ZNF207: variants seen among roughly 807,000 people sequenced by gnomAD.
ZNF207 encodes the protein BUB3-interacting and GLEBS motif-containing protein ZNF207.
A neutral mutation model predicts 60.2 loss-of-function variants in ZNF207; 24 were observed. The ratio of observed to expected loss-of-function variants is 0.40; its 90% CI spans 0.29 to 0.56. ZNF207 has a LOEUF of 0.56. Among genes scored for constraint, ZNF207 ranks in the 20% least tolerant of loss-of-function variants. The pLI, the probability that ZNF207 is intolerant of heterozygous loss-of-function variation, is 0.49. For synonymous variants in ZNF207, 236 were observed against 194.7 expected (o/e 1.21, Z -1.77); for missense variants, 452 against 636.6 (o/e 0.71, Z 3.12).
At position 32,380,352 on chromosome 17, in the gene ZNF207, G is replaced by C. The variant is rs546788139; in HGVS notation, c.*10593G>C. ...TTTTTTACAAATTTGCCTGCATAAA[G>C]ATTAAATTGGAACATACCTTACTCC... On this transcript the variant is annotated 3_prime_UTR_variant, in exon 12 of 12. Coordinates refer to ENST00000394670, the MANE Select transcript of ZNF207 (RefSeq NM_001098507.2). The C allele has an allele frequency of 1.3e-5, 2 of 152,442 alleles. No homozygotes were observed. The highest frequency in any genetic ancestry group is 1.3e-4 in the Admixed American group (2 of 15,302). The allele number at this position is 152,442 out of a possible 1,614,324, so 9.4% of individuals were successfully genotyped here.
At chr17:32,365,529 G>T (rs756820691) in intron 8 of ZNF207, 42 bp downstream of exon 8, 3 of 1,598,326 alleles carry the variant, frequency 1.9e-6, no homozygotes, top group African/African-American at 1.3e-5. Flanking sequence ...TATATTTAAA[G>T]ATAAAGTACA....
intron 2 of ZNF207, among the ~76,000 whole-genome samples, chr17:32,353,033 G>A (rs1327930216): frequency 6.6e-6 from 1 of 152,192 alleles, no homozygotes; most frequent in East Asian, 1.9e-4. Flanking sequence ...AATTAGCCGG[G>A]TGTGGTGGCA....
At chr17:32,368,690 C>CA (rs56261296) in intron 10 of ZNF207, 6,058 of 112,922 alleles carry the variant, frequency 0.054, 146 homozygotes, top group Non-Finnish European at 0.076. Context: ...GACTCCATCT[C>CA]AAAAAAAAAA....
At position 32,372,913 on chromosome 17, in the gene ZNF207, G is replaced by A. The variant is rs1482486909; in HGVS notation, c.*3154G>A. ...ATTGTCATAATTAAGGAAGCTGTAA[G>A]GTTAGTAGGGCTGGCAACTTTGGCT... On this transcript the variant is annotated 3_prime_UTR_variant, in exon 12 of 12. Coordinates refer to ENST00000394670, the MANE Select transcript of ZNF207 (RefSeq NM_001098507.2). 1.3e-5 allele frequency: 2 copies of A among 152,246 alleles called. No homozygotes were observed. Among genetic ancestry groups the A allele is most frequent in the Non-Finnish European group, 2.9e-5 (2 of 68,098 alleles). The allele number at this position is 152,246 out of a possible 1,614,324, so 9.4% of individuals were successfully genotyped here.
Position 32,372,239 on chromosome 17 carries a change from G to T in ZNF207, c.*2480G>T, listed in dbSNP as rs536615473. On this transcript the variant is annotated 3_prime_UTR_variant, in exon 12 of 12. Coordinates refer to ENST00000394670, the MANE Select transcript of ZNF207 (RefSeq NM_001098507.2). ...GGCGTGAACCCGGGAGGCATAGCTT[G>T]CAGTGAGCGGAGATCACACCACTGC... 1.3e-5 allele frequency: 2 copies of T among 152,276 alleles called. No individual in the cohort carries two copies. The highest frequency in any genetic ancestry group is 4.1e-4 in the South Asian group (2 of 4,826). 9.4% of individuals were successfully genotyped at this position (152,276 alleles called of 1,614,324 possible).
chr17:32,351,448 C>T (rs1597750408), intron 1 of ZNF207: 4 of 1,361,262 alleles, frequency 2.9e-6, no homozygotes, highest in East Asian at 6.2e-5. Flanking sequence ...CTTAACTGAA[C>T]TCTTTCCTGT....
In ZNF207 at chr17:32,377,159, T is replaced by C. The variant is rs1905703298; in HGVS notation, c.*7400T>C. ...AGAACACTGGGTAGTATTGTTTGAC[T>C]TAAGAACCTTAAATATATTGAAAAG... On this transcript the variant is annotated 3_prime_UTR_variant, in exon 12 of 12. Coordinates refer to ENST00000394670, the MANE Select transcript of ZNF207 (RefSeq NM_001098507.2). 1 of 152,074 alleles carries C rather than the reference T, an allele frequency of 6.6e-6. No individual in the cohort carries two copies. Among genetic ancestry groups the C allele is most frequent in the South Asian group, 2.1e-4 (1 of 4,834 alleles). The allele number at this position is 152,074 out of a possible 1,614,324, so 9.4% of individuals were successfully genotyped here.
At chr17:32,353,624 C>G (rs987701661) in intron 2 of ZNF207, among the ~76,000 whole-genome samples, 10 of 140,030 alleles carry the variant, frequency 7.1e-5, no homozygotes, top group African/African-American at 2.4e-4. Context: ...TCTACAAATA[C>G]CAAAAATTAG....
intron 3 of ZNF207, among the ~76,000 whole-genome samples, chr17:32,360,072 C>CA (rs1224377288): frequency 6.7e-6 from 1 of 150,154 alleles, no homozygotes; most frequent in Non-Finnish European, 1.5e-5. Context: ...ATAGAATTAG[C>CA]AAGTGTTAAG....
At chr17:32,359,732 C>T (rs1039800072) in intron 3 of ZNF207, among the ~76,000 whole-genome samples, 3 of 151,918 alleles carry the variant, frequency 2.0e-5, no homozygotes, top group Admixed American at 6.6e-5. Flanking sequence ...AGAATGACAC[C>T]CTGTCTTTAC....
In ZNF207 at chr17:32,373,599, G is replaced by C; in HGVS notation, c.*3840G>C. ...TTTTTATACTCTTTTGGCAGAGAAGGCTCTATATTAATATTCACGTTTGAC... is the reference window on the plus strand; with the variant it reads ...TTTTTATACTCTTTTGGCAGAGAAGCCTCTATATTAATATTCACGTTTGAC... On this transcript the variant is annotated 3_prime_UTR_variant, in exon 12 of 12. Coordinates refer to ENST00000394670, the MANE Select transcript of ZNF207 (RefSeq NM_001098507.2). The C allele has an allele frequency of 2.4e-6, 1 of 410,316 alleles. No homozygotes were observed. The highest frequency in any genetic ancestry group is 3.4e-5 in the East Asian group (1 of 29,194). 25.4% of individuals were successfully genotyped at this position (410,316 alleles called of 1,614,324 possible).
rs1328478734 is a variant in ZNF207 at position 32,357,342 on chromosome 17, ATTATTATTAT to A, written c.169-1158_169-1149del. Among the ~76,000 whole-genome samples the A allele has an allele frequency of 3.8e-3, 242 of 64,380 alleles. 1 individual carries two copies. The highest frequency in any genetic ancestry group is 0.02 in the African/African-American group (231 of 11,396). 42.2% of individuals were successfully genotyped at this position (64,380 alleles called of 152,430 possible). ...TATTATTATTATTATTATTATTATT[ATTATTATTAT>A]TTTTTTTTTTTTTTGAGACAGAATC... is the stretch of plus-strand genomic sequence containing the variant. On this transcript the variant is annotated intron_variant, in intron 2 of 11. Transcript: ENST00000394670.
intron 6 of ZNF207, among the ~76,000 whole-genome samples, chr17:32,361,973 C>T (rs1904906981): frequency 6.6e-6 from 1 of 151,976 alleles, no homozygotes; most frequent in South Asian, 2.1e-4. Flanking sequence ...GAATTGGACA[C>T]TGATATTTGA....
intron 7 of ZNF207, 48 bp from the exon 8 acceptor site, chr17:32,365,282 A>G: frequency 1.3e-6 from 2 of 1,577,482 alleles, no homozygotes; most frequent in East Asian, 2.3e-5. Context: ...TTTTTTCCAC[A>G]CTAAATTTTT....
At chr17:32,361,313 T>G (rs1024850243) in intron 5 of ZNF207, 155 bp from the exon 6 acceptor site, 2 of 599,504 alleles carry the variant, frequency 3.3e-6, no homozygotes, top group Middle Eastern at 4.3e-4. Flanking sequence ...TGTAAATGAT[T>G]TATTTGTCAA....
At chr17:32,363,845 T>C (rs1295272114) in intron 7 of ZNF207, among the ~76,000 whole-genome samples, 3 of 152,162 alleles carry the variant, frequency 2.0e-5, no homozygotes, top group South Asian at 4.1e-4. Flanking sequence ...CAAACTGTAT[T>C]AAACGGTGTA....
At chr17:32,351,998 G>GCACCTTCACTGACAGCTCCA in intron 2 of ZNF207, 86 bp downstream of exon 2, 1 of 1,365,492 alleles carries the variant, frequency 7.3e-7, no homozygotes. Context: ...TTTGAGTTTC[G>GCACCTTCACTGACAGCTCCA]GTCTTGTCGC....
chr17:32,360,707 T>A lies in ZNF207; in HGVS notation c.417T>A (p.Ile139=). The change falls in exon 4 of 12, where the codon ATT becomes ATA. Residue 139 remains isoleucine (I), a synonymous_variant. Transcript: ENST00000394670. ...PQPVQPQQGY[I]PPMAQPGLPP... is the part of the protein sequence containing the mutation. Reference sequence around the variant, plus strand: ...CTGTTCAACCTCAGCAAGGTTATATTCCTCCAATGGCACAGCCAGGACTGC... The same window carrying A: ...CTGTTCAACCTCAGCAAGGTTATATACCTCCAATGGCACAGCCAGGACTGC... 1 of 1,614,144 alleles carries A rather than the reference T, an allele frequency of 6.2e-7. No homozygotes were observed. Among genetic ancestry groups the A allele is most frequent in the Non-Finnish European group, 8.5e-7 (1 of 1,180,030 alleles).
chr17:32,361,429 A>G, intron 5 of ZNF207, 39 bp from the exon 6 acceptor site: 3 of 1,579,584 alleles, frequency 1.9e-6, no homozygotes, highest in Non-Finnish European at 2.6e-6. Context: ...TATTTTGAAA[A>G]TCACAGTTAG....
Sources: gnomAD v4.1 joint callset for allele counts (sites outside exome capture counted in the v4.1 genomes callset) on GRCh38, gnomAD v4.1.1 for gene constraint, MANE v1.5 for transcripts, NCBI Gene and HGNC (gene_info 2026-07-23, HGNC 2026-07-21) for gene names.